KIAA1217: variants seen among roughly 807,000 people sequenced by gnomAD.
KIAA1217 encodes KIAA1217, also known as sickle tail protein homolog.
Under a neutral mutation model 163.9 loss-of-function variants are expected in KIAA1217, and 88 were observed. That is an observed-to-expected ratio of 0.54 (90% confidence interval 0.45 to 0.64). The LOEUF is 0.64. KIAA1217 is among the 30% of genes least tolerant of loss of function. The probability of loss-of-function intolerance (pLI) is 0.00; values close to 1 mark genes in which losing one functional copy is unlikely to be tolerated. For missense variants in KIAA1217, 2,372 were observed against 2,475.0 expected (o/e 0.96, Z 0.88); for synonymous variants, 903 against 923.1 (o/e 0.98, Z 0.39).
At chr10:24,469,765 C>G (rs1266440903) in intron 5 of KIAA1217, among the ~76,000 whole-genome samples, 1 of 152,094 alleles carries the variant, frequency 6.6e-6, no homozygotes, top group African/African-American at 2.4e-5. Flanking sequence ...GTGCATGCCA[C>G]CATGCCCAGC....
intron 2 of KIAA1217, among the ~76,000 whole-genome samples, chr10:24,195,512 G>A (rs1236843028): frequency 3.9e-5 from 6 of 152,130 alleles, no homozygotes; most frequent in African/African-American, 7.2e-5. Context: ...TAATTGTTGG[G>A]ACTGGGGATA....
At chr10:24,329,816 A>G (rs1180145656) in intron 2 of KIAA1217, among the ~76,000 whole-genome samples, 3 of 152,312 alleles carry the variant, frequency 2.0e-5, no homozygotes, top group East Asian at 3.9e-4. Flanking sequence ...AGAAGTGGCC[A>G]TTAGCAAAGA....
chr10:24,443,952 G>A (rs1308570723), intron 5 of KIAA1217, among the ~76,000 whole-genome samples: 1 of 151,988 alleles, frequency 6.6e-6, no homozygotes, highest in Non-Finnish European at 1.5e-5. Flanking sequence ...ACCTTTTATT[G>A]TTTTCTCTAC....
chr10:23,722,056 C>A (rs112462041), intron 1 of KIAA1217, among the ~76,000 whole-genome samples: 2 of 152,146 alleles, frequency 1.3e-5, no homozygotes, highest in Admixed American at 1.3e-4. Flanking sequence ...GAATGAACCT[C>A]GAAAAACTTA....
At chr10:24,178,616 A>C (rs1398153533) in intron 2 of KIAA1217, among the ~76,000 whole-genome samples, 1 of 152,262 alleles carries the variant, frequency 6.6e-6, no homozygotes, top group Non-Finnish European at 1.5e-5. Flanking sequence ...AGCAGACATA[A>C]AATAAGTAAA....
At chr10:24,198,654 AGAGACAAT>A (rs2067105597) in intron 2 of KIAA1217, among the ~76,000 whole-genome samples, 1 of 151,814 alleles carries the variant, frequency 6.6e-6, no homozygotes, top group Non-Finnish European at 1.5e-5. Context: ...ATGGGGATTC[AGAGACAAT>A]AAAGCTAGTC....
chr10:24,131,330 A>G (rs999073274), intron 2 of KIAA1217, among the ~76,000 whole-genome samples: 5 of 152,188 alleles, frequency 3.3e-5, no homozygotes, highest in African/African-American at 1.2e-4. Flanking sequence ...TCTTTCACCA[A>G]CAACATTTAC....
At chr10:24,178,933 A>C (rs1310345798) in intron 2 of KIAA1217, among the ~76,000 whole-genome samples, 1 of 152,168 alleles carries the variant, frequency 6.6e-6, no homozygotes, top group African/African-American at 2.4e-5. Flanking sequence ...CATAAGTCAG[A>C]TGTCACTTTT....
rs75395021 is a variant in KIAA1217 at position 24,510,240 on chromosome 10, C to A, written c.2002-3019C>A. Reference sequence around the variant, plus strand: ...ACACCCTGAGCATGTCCTTTGACTTCTCAGGGCCTCACTTTTCCCACCTTT... The same window carrying A: ...ACACCCTGAGCATGTCCTTTGACTTATCAGGGCCTCACTTTTCCCACCTTT... On this transcript the variant is annotated intron_variant, in intron 9 of 20. Coordinates refer to ENST00000376454, the MANE Select transcript of KIAA1217 (RefSeq NM_019590.5). 6.5e-3 allele frequency among the ~76,000 whole-genome samples: 988 copies of A among 152,298 alleles called. 7 individuals are homozygous for A. The highest frequency in any genetic ancestry group is 9.5e-3 in the Non-Finnish European group (643 of 68,030).
chr10:23,776,196 G>A (rs557344717), intron 1 of KIAA1217, among the ~76,000 whole-genome samples: 144 of 152,140 alleles, frequency 9.5e-4, no homozygotes, highest in African/African-American at 3.4e-3. Flanking sequence ...TGTTATAGTG[G>A]CCCCTGACAG....
At chr10:24,128,379 TA>T (rs1392321289) in intron 2 of KIAA1217, among the ~76,000 whole-genome samples, 1 of 152,224 alleles carries the variant, frequency 6.6e-6, no homozygotes. Context: ...TAACTTGCTT[TA>T]AAAATAATGA....
chr10:23,931,449 C>T (rs894048300), intron 1 of KIAA1217, among the ~76,000 whole-genome samples: 1 of 152,184 alleles, frequency 6.6e-6, no homozygotes, highest in Non-Finnish European at 1.5e-5. Flanking sequence ...TCAAGGCCAT[C>T]CCATCTAACA....
chr10:24,049,410 T>C (rs1438603218), intron 2 of KIAA1217, among the ~76,000 whole-genome samples: 1 of 152,148 alleles, frequency 6.6e-6, no homozygotes, highest in Non-Finnish European at 1.5e-5. Flanking sequence ...ATTTATTTAT[T>C]TATTTTTATT....
At chr10:24,205,643 T>C (rs149369949), upstream of KIAA1217, among the ~76,000 whole-genome samples, 7,408 of 151,164 alleles carry the variant, frequency 0.049, 266 homozygotes, top group Admixed American at 0.096. Context: ...CGTGGTGGCA[T>C]GTGCCTGTAG....
chr10:24,445,488 C>A (rs1331264471), intron 5 of KIAA1217, among the ~76,000 whole-genome samples: 1 of 150,782 alleles, frequency 6.6e-6, no homozygotes, highest in Non-Finnish European at 1.5e-5. Context: ...CCCATTAACT[C>A]ATCATTTAGC....
chr10:23,772,473 AC>A (rs1442658023), intron 1 of KIAA1217, among the ~76,000 whole-genome samples: 5 of 152,192 alleles, frequency 3.3e-5, no homozygotes, highest in African/African-American at 1.2e-4. Flanking sequence ...AAGAACAACA[AC>A]AAAAAAAGAT....
chr10:24,070,095 C>G (rs1166300087), intron 2 of KIAA1217, among the ~76,000 whole-genome samples: 1 of 152,120 alleles, frequency 6.6e-6, no homozygotes, highest in African/African-American at 2.4e-5. Flanking sequence ...CCACCTTGGC[C>G]TCCCAGTGAA....
chr10:24,348,197 T>C (rs901777647), intron 2 of KIAA1217, among the ~76,000 whole-genome samples: 1 of 151,840 alleles, frequency 6.6e-6, no homozygotes, highest in Non-Finnish European at 1.5e-5. Context: ...TTACTGAAAA[T>C]ACAAAATTAG....
intron 2 of KIAA1217, among the ~76,000 whole-genome samples, chr10:24,090,272 T>C (rs1191503037): frequency 1.4e-5 from 2 of 138,940 alleles, no homozygotes. Context: ...TTTCACACAA[T>C]CCTTCCTCCT....
Sources: gnomAD v4.1 joint callset for allele counts (sites outside exome capture counted in the v4.1 genomes callset) on GRCh38, gnomAD v4.1.1 for gene constraint, MANE v1.5 for transcripts, NCBI Gene and HGNC (gene_info 2026-07-23, HGNC 2026-07-21) for gene names.